PCCA: variants seen among roughly 807,000 people sequenced by gnomAD.
The protein encoded by PCCA is propionyl-CoA carboxylase subunit alpha.
Under a neutral mutation model 101.3 loss-of-function variants are expected in PCCA, and 74 were observed. That is an observed-to-expected ratio of 0.73 (90% confidence interval 0.61 to 0.89). PCCA has a LOEUF of 0.89. Ranked by LOEUF, PCCA falls within the 40% of genes least tolerant of loss-of-function variation. PCCA has a pLI of 0.00. For synonymous variants in PCCA, 294 were observed against 313.6 expected, an observed-to-expected ratio of 0.94 and a Z score of 0.66; for missense variants, 891 against 907.0, an observed-to-expected ratio of 0.98 and a Z score of 0.23.
intron 4 of PCCA, among the ~76,000 whole-genome samples, chr13:100,138,934 C>CAAAAAAAAAAAAAAAAAAA (rs34466523): frequency 1.2e-5 from 1 of 83,114 alleles, no homozygotes; most frequent in Non-Finnish European, 2.3e-5. Context: ...AACTCCATCT[C>CAAAAAAAAAAAAAAAAAAA]AAAAAAAAAA....
chr13:100,435,375 G>C (rs2079854910), intron 20 of PCCA, among the ~76,000 whole-genome samples: 1 of 152,182 alleles, frequency 6.6e-6, no homozygotes, highest in Non-Finnish European at 1.5e-5. Context: ...GCCATGTCGA[G>C]AATCACATTT....
chr13:100,481,730 T>G (rs1259930118), intron 21 of PCCA, among the ~76,000 whole-genome samples: 3 of 152,112 alleles, frequency 2.0e-5, no homozygotes, highest in Non-Finnish European at 4.4e-5. Flanking sequence ...CAAGATCTCC[T>G]CACACTACTC....
At chr13:100,267,322 G>T (rs975381116) in intron 10 of PCCA, among the ~76,000 whole-genome samples, 2 of 152,012 alleles carry the variant, frequency 1.3e-5, no homozygotes, top group Non-Finnish European at 2.9e-5. Flanking sequence ...CCAGCTTATT[G>T]GCATTTTATT....
chr13:100,444,591 C>T (rs1036324204), intron 20 of PCCA, among the ~76,000 whole-genome samples: 6 of 151,962 alleles, frequency 3.9e-5, no homozygotes, highest in African/African-American at 9.6e-5. Flanking sequence ...TACAGGTGCC[C>T]GCCACCATGC....
intron 10 of PCCA, among the ~76,000 whole-genome samples, chr13:100,263,299 A>C (rs1172415240): frequency 1.3e-5 from 2 of 152,362 alleles, no homozygotes; most frequent in Admixed American, 1.3e-4. Context: ...ACGGGGAAGA[A>C]GACAAGTCTG....
At chr13:100,163,995 A>G (rs2054775208) in intron 6 of PCCA, among the ~76,000 whole-genome samples, 1 of 85,440 alleles carries the variant, frequency 1.2e-5, no homozygotes, top group Non-Finnish European at 3.2e-5. Flanking sequence ...GCGATCATAT[A>G]GTCCATCCTC....
chr13:100,522,226 CTTAT>C (rs147171352), intron 22 of PCCA, among the ~76,000 whole-genome samples: 419 of 152,276 alleles, frequency 2.8e-3, no homozygotes, highest in Non-Finnish European at 4.7e-3. Flanking sequence ...GTTTAAATAG[CTTAT>C]TTATTATTTT....
In PCCA at chr13:100,367,444, T is replaced by C. The variant is rs546295903; in HGVS notation, c.1644-1028T>C. On this transcript the variant is annotated intron_variant, in intron 18 of 23. Coordinates refer to ENST00000376285, the MANE Select transcript of PCCA (RefSeq NM_000282.4). ...TGCCCCACAATTTAGAGCCAAGTGC[T>C]TAGTGTTTGTTGAACTCATAAGTCA... Among the ~76,000 whole-genome samples, 105 of 152,186 alleles carry C rather than the reference T, an allele frequency of 6.9e-4. 4 individuals are homozygous for C. In the South Asian group the frequency reaches 0.021, roughly 31 times the overall value.
intron 19 of PCCA, among the ~76,000 whole-genome samples, chr13:100,384,429 AAAT>A (rs779468753): frequency 9.2e-5 from 14 of 152,246 alleles, no homozygotes; most frequent in Non-Finnish European, 1.9e-4. Flanking sequence ...CTTCTGCACA[AAAT>A]AATAACTTTG....
chr13:100,308,656 A>C (rs2066659578), intron 15 of PCCA, among the ~76,000 whole-genome samples: 1 of 152,182 alleles, frequency 6.6e-6, no homozygotes, highest in Non-Finnish European at 1.5e-5. Context: ...AATAAAATTT[A>C]GGTCTTTTGT....
chr13:100,446,130 C>T (rs964586076), intron 20 of PCCA, among the ~76,000 whole-genome samples: 1 of 152,124 alleles, frequency 6.6e-6, no homozygotes, highest in Admixed American at 6.6e-5. Flanking sequence ...CTCCAACTCC[C>T]AGGTTCAAGT....
chr13:100,515,319 T>G, intron 21 of PCCA, 108 bp from the exon 22 acceptor site: 2 of 937,356 alleles, frequency 2.1e-6, no homozygotes, highest in Non-Finnish European at 3.4e-6. Context: ...TTTAAGGCTC[T>G]TACTGTAATT....
intron 12 of PCCA, among the ~76,000 whole-genome samples, chr13:100,287,812 A>AC (rs1216474226): frequency 3.6e-4 from 6 of 16,552 alleles, no homozygotes; most frequent in Non-Finnish European, 1.4e-3. Context: ...ATATAAAGTT[A>AC]GGGGGTTTTT....
chr13:100,451,986 CTTTTCTCCCTCTCT>C (rs2081333431), intron 21 of PCCA, among the ~76,000 whole-genome samples: 7 of 25,804 alleles, frequency 2.7e-4, no homozygotes, highest in East Asian at 1.6e-3. Flanking sequence ...CCCTCTCTCT[CTTTTCTCCCTCTCT>C]CTCTCCTCTC....
At chr13:100,491,845 A>G in intron 21 of PCCA, 1 of 947,022 alleles carries the variant, frequency 1.1e-6, no homozygotes, top group African/African-American at 1.8e-5. Context: ...TTTAAAATAA[A>G]AATATTTTAG....
intron 16 of PCCA, among the ~76,000 whole-genome samples, chr13:100,321,785 G>A (rs941484140): frequency 1.3e-5 from 2 of 152,092 alleles, no homozygotes; most frequent in African/African-American, 4.8e-5. Context: ...TCTTGAGGCA[G>A]TTTTGATAAA....
At chr13:100,232,925 A>G (rs1345554214) in intron 7 of PCCA, among the ~76,000 whole-genome samples, 62 of 152,254 alleles carry the variant, frequency 4.1e-4, no homozygotes. Flanking sequence ...GAATTAATGT[A>G]TAAGTGGTTG....
intron 19 of PCCA, among the ~76,000 whole-genome samples, chr13:100,375,359 G>A (rs1381741817): frequency 6.6e-6 from 1 of 152,186 alleles, no homozygotes; most frequent in South Asian, 2.1e-4. Flanking sequence ...TTGGGGTGTA[G>A]AGTTCTGTAG....
intron 20 of PCCA, among the ~76,000 whole-genome samples, chr13:100,447,137 G>C (rs1005086410): frequency 6.6e-6 from 1 of 152,198 alleles, no homozygotes; most frequent in African/African-American, 2.4e-5. Context: ...TGTAATCCCA[G>C]CGCTTTGGGA....
Sources: gnomAD v4.1 joint callset for allele counts (sites outside exome capture counted in the v4.1 genomes callset) on GRCh38, gnomAD v4.1.1 for gene constraint, MANE v1.5 for transcripts, NCBI Gene and HGNC (gene_info 2026-07-23, HGNC 2026-07-21) for gene names.